INPP4B: variants seen among roughly 807,000 people sequenced by gnomAD.
INPP4B encodes the protein inositol polyphosphate-4-phosphatase type II B.
In INPP4B, 55 loss-of-function variants were observed where a neutral mutation model predicts 122.5. That is an observed-to-expected ratio of 0.45 (90% CI 0.36 to 0.56). The LOEUF is 0.56. Among genes scored for constraint, INPP4B ranks in the 20% least tolerant of loss-of-function variants. INPP4B has a pLI of 0.00. For synonymous variants in INPP4B, 403 were observed against 388.7 expected (o/e 1.04, Z -0.43); for missense variants, 1,000 against 1,097.7 (o/e 0.91, Z 1.26).
intron 9 of INPP4B, among the ~76,000 whole-genome samples, chr4:142,298,683 C>CAAAAAAAAAAAAAA (rs386401712): frequency 1.5e-5 from 1 of 66,444 alleles, no homozygotes; most frequent in Non-Finnish European, 2.6e-5. Flanking sequence ...GACTCTGTCT[C>CAAAAAAAAAAAAAA]AAAAAAAAAA....
chr4:142,321,669 C>A (rs1233220818), intron 7 of INPP4B, among the ~76,000 whole-genome samples: 1 of 152,022 alleles, frequency 6.6e-6, no homozygotes, highest in Admixed American at 6.6e-5. Flanking sequence ...GTTCCGGCAC[C>A]ATTTGTTGAA....
intron 25 of INPP4B, among the ~76,000 whole-genome samples, chr4:142,061,686 G>A (rs115388672): frequency 0.016 from 2,369 of 151,248 alleles, 81 homozygotes; most frequent in African/African-American, 0.055. Flanking sequence ...ACAACGATTG[G>A]GTCATTTGAA....
At chr4:142,817,902 T>C (rs1372335617) in intron 1 of INPP4B, among the ~76,000 whole-genome samples, 3 of 152,172 alleles carry the variant, frequency 2.0e-5, no homozygotes, top group Non-Finnish European at 4.4e-5. Flanking sequence ...AAATTGGGAC[T>C]TCTTAGATAA....
chr4:142,305,857 G>T, intron 8 of INPP4B: 1 of 1,097,090 alleles, frequency 9.1e-7, no homozygotes, highest in South Asian at 2.4e-5. Context: ...AATAAAAGAT[G>T]ATATATTTTC....
chr4:142,512,799 T>A (rs1361999562), intron 2 of INPP4B, among the ~76,000 whole-genome samples: 1 of 152,158 alleles, frequency 6.6e-6, no homozygotes, highest in African/African-American at 2.4e-5. Flanking sequence ...ATTTCAAACT[T>A]TTTTTAGTTC....
chr4:142,434,776 G>A (rs1241522830), intron 3 of INPP4B, among the ~76,000 whole-genome samples: 1 of 152,096 alleles, frequency 6.6e-6, no homozygotes, highest in Non-Finnish European at 1.5e-5. Context: ...AAGCATGAGA[G>A]AGGACAATCT....
At chr4:142,821,972 G>A (rs1780847645) in intron 1 of INPP4B, among the ~76,000 whole-genome samples, 1 of 152,096 alleles carries the variant, frequency 6.6e-6, no homozygotes, top group Non-Finnish European at 1.5e-5. Context: ...TAAAGGCCAG[G>A]GTGAGAAGTG....
intron 2 of INPP4B, among the ~76,000 whole-genome samples, chr4:142,687,559 CAAAAAAAAAAAA>C (rs3080815): frequency 0.013 from 1,346 of 100,596 alleles, 19 homozygotes; most frequent in Middle Eastern, 0.038. Context: ...ATCCTTCCTC[CAAAAAAAAAAAA>C]AAAAAAAAAA....
chr4:142,257,157 C>G (rs554317668), intron 11 of INPP4B, among the ~76,000 whole-genome samples: 216 of 152,012 alleles, frequency 1.4e-3, no homozygotes, highest in African/African-American at 3.1e-3. Flanking sequence ...ATTCAACAAC[C>G]CTTCATGCTA....
At chr4:142,448,572 TTAAG>T (rs1813452390) in intron 3 of INPP4B, among the ~76,000 whole-genome samples, 1 of 152,124 alleles carries the variant, frequency 6.6e-6, no homozygotes, top group Non-Finnish European at 1.5e-5. Flanking sequence ...GAAAATCTGG[TTAAG>T]TAAGGATCAG....
In INPP4B at chr4:142,739,093, C is replaced by A. The variant is rs1314956245; in HGVS notation, c.-253-13192G>T. On this transcript the variant is annotated intron_variant, in intron 1 of 25. Transcript: ENST00000262992. ...AAACATAATAACAAAATAAAACCCTCAAAGAGAAATATCCCTTTGAAAACC... is the reference window on the plus strand; with the variant it reads ...AAACATAATAACAAAATAAAACCCTAAAAGAGAAATATCCCTTTGAAAACC... Among the ~76,000 whole-genome samples the A allele has an allele frequency of 2.0e-5, 3 of 152,072 alleles. No individual in the cohort carries two copies. The East Asian group carries it at 5.8e-4, about 29-fold the overall frequency.
chr4:142,068,990 C>T (rs903557140), intron 25 of INPP4B, among the ~76,000 whole-genome samples: 1 of 151,590 alleles, frequency 6.6e-6, no homozygotes, highest in African/African-American at 2.4e-5. Flanking sequence ...ACCTAATAGA[C>T]ATCTACAGAA....
intron 2 of INPP4B, among the ~76,000 whole-genome samples, chr4:142,594,328 A>G (rs1738203687): frequency 6.6e-6 from 1 of 152,188 alleles, no homozygotes; most frequent in Non-Finnish European, 1.5e-5. Flanking sequence ...CTTGATATGC[A>G]TTGCCATTTT....
At chr4:142,703,080 A>G (rs1762022553) in intron 2 of INPP4B, among the ~76,000 whole-genome samples, 1 of 152,192 alleles carries the variant, frequency 6.6e-6, no homozygotes. Flanking sequence ...AAGGAAGACA[A>G]TATGTAATGA....
chr4:142,343,066 A>G (rs1579796403), intron 7 of INPP4B, among the ~76,000 whole-genome samples: 1 of 152,274 alleles, frequency 6.6e-6, no homozygotes, highest in Admixed American at 6.5e-5. Flanking sequence ...AGTACAAATC[A>G]ACATCATTAA....
chr4:142,735,518 C>T (rs1766727667), intron 1 of INPP4B, among the ~76,000 whole-genome samples: 1 of 152,122 alleles, frequency 6.6e-6, no homozygotes, highest in Non-Finnish European at 1.5e-5. Context: ...ACACTATTAT[C>T]CCCATTTTAT....
chr4:142,671,658 G>A (rs568090587), intron 2 of INPP4B, among the ~76,000 whole-genome samples: 6 of 152,114 alleles, frequency 3.9e-5, no homozygotes, highest in South Asian at 2.1e-4. Context: ...TGTGCATATC[G>A]CCCTCATAGG....
intron 25 of INPP4B, among the ~76,000 whole-genome samples, chr4:142,051,045 C>A (rs1754307536): frequency 6.6e-6 from 1 of 151,966 alleles, no homozygotes; most frequent in South Asian, 2.1e-4. Flanking sequence ...GAAATTGCTA[C>A]CTGATTGAGT....
rs141588727 is a variant in INPP4B at position 142,427,513 on chromosome 4, ATTTACTTGGC to A, written c.136+1650_136+1659del. 3,185 of 649,712 alleles carry A rather than the reference ATTTACTTGGC, an allele frequency of 4.9e-3. 64 individuals carry two copies. In the African/African-American group the frequency reaches 0.051, roughly 10 times the overall value. The allele number at this position is 649,712 out of a possible 1,614,324, so 40.2% of individuals were successfully genotyped here. ...AAGTGATGATGGTGTTGTTACTGAA[ATTTACTTGGC>A]TTTCTAAACAAACAGCATAGTTAGG... On this transcript the variant is annotated intron_variant, in intron 5 of 25. Transcript: ENST00000262992.
Sources: gnomAD v4.1 joint callset for allele counts (sites outside exome capture counted in the v4.1 genomes callset) on GRCh38, gnomAD v4.1.1 for gene constraint, MANE v1.5 for transcripts, NCBI Gene and HGNC (gene_info 2026-07-23, HGNC 2026-07-21) for gene names.